The following DHX35 variants were observed in gnomAD, a reference collection of about 807,000 sequenced individuals.
DHX35 encodes the protein probable ATP-dependent RNA helicase DHX35.
In DHX35, 84 loss-of-function variants were observed where a neutral mutation model predicts 99.6. That is an observed-to-expected ratio of 0.84 (90% CI 0.71 to 1.01). The LOEUF (loss-of-function observed/expected upper bound fraction) is 1.01. Among genes scored for constraint, DHX35 ranks in the 50% least tolerant of loss-of-function variants. DHX35 has a pLI of 0.00. For missense variants in DHX35, 852 were observed against 888.5 expected (o/e 0.96, Z 0.52); for synonymous variants, 331 against 316.2 (o/e 1.05, Z -0.50).
At chr20:39,027,163 G>C (rs1045641559) in intron 18 of DHX35, among the ~76,000 whole-genome samples, 4 of 152,088 alleles carry the variant, frequency 2.6e-5, no homozygotes, top group African/African-American at 9.7e-5. Context: ...ATTTCTTATG[G>C]ACAATAGGAG....
At chr20:39,009,745 T>A (rs1218718843) in intron 12 of DHX35, among the ~76,000 whole-genome samples, 1 of 152,176 alleles carries the variant, frequency 6.6e-6, no homozygotes. Context: ...CTCTTCTTCC[T>A]GGTAGGGCAT....
At chr20:39,017,744 G>T (rs2086808845) in intron 14 of DHX35, among the ~76,000 whole-genome samples, 1 of 152,210 alleles carries the variant, frequency 6.6e-6, no homozygotes, top group Admixed American at 6.5e-5. Flanking sequence ...GGCAGGTGGG[G>T]AGTTGAAAGA....
chr20:39,009,912 T>G (rs1159856311), intron 12 of DHX35, among the ~76,000 whole-genome samples: 1 of 152,192 alleles, frequency 6.6e-6, no homozygotes, highest in East Asian at 1.9e-4. Flanking sequence ...AATTGTTCTT[T>G]GCTTGTATGT....
At chr20:39,029,315 T>C (rs1303769894) in intron 19 of DHX35, 1 of 151,910 alleles carries the variant, frequency 6.6e-6, no homozygotes, top group Non-Finnish European at 1.5e-5. Flanking sequence ...CCAGAGAAAA[T>C]ATTACTGCCC....
intron 14 of DHX35, among the ~76,000 whole-genome samples, chr20:39,015,563 T>A (rs1313953038): frequency 6.6e-6 from 1 of 152,252 alleles, no homozygotes; most frequent in Non-Finnish European, 1.5e-5. Flanking sequence ...TGGGGAGTAC[T>A]GTTTCTTCTG....
intron 20 of DHX35, 115 bp from the exon 21 acceptor site, chr20:39,034,091 G>T: frequency 2.7e-6 from 2 of 743,286 alleles, no homozygotes; most frequent in Non-Finnish European, 4.6e-6. Context: ...TTAGCACAGT[G>T]TCTGGCACAT....
intron 1 of DHX35, among the ~76,000 whole-genome samples, chr20:38,966,567 G>A (rs1473473782): frequency 6.6e-6 from 1 of 152,198 alleles, no homozygotes; most frequent in Non-Finnish European, 1.5e-5. Flanking sequence ...TACTCGGGAT[G>A]CCCAGGCAGG....
chr20:38,999,276 A>G (rs953596049), intron 8 of DHX35, among the ~76,000 whole-genome samples: 3 of 151,878 alleles, frequency 2.0e-5, no homozygotes, highest in South Asian at 2.1e-4. Context: ...TTCTCCTTCC[A>G]TAGCTCCTGG....
intron 14 of DHX35, among the ~76,000 whole-genome samples, chr20:39,015,317 C>T (rs2086767678): frequency 6.6e-6 from 1 of 152,174 alleles, no homozygotes. Flanking sequence ...CTCCCTAAAT[C>T]CTCTTCATTT....
intron 14 of DHX35, among the ~76,000 whole-genome samples, chr20:39,017,560 T>C (rs1321906358): frequency 6.6e-6 from 1 of 151,682 alleles, no homozygotes; most frequent in Non-Finnish European, 1.5e-5. Context: ...ACCCCCCGCC[T>C]CCCCCCGCCA....
Position 39,002,885 on chromosome 20 carries a change from T to C in DHX35, c.852+17T>C. ...ACTGGCCAGGTAATGCCACTGTACT[T>C]CTCTGATGAATAGACATGTTAAGAC... On this transcript the variant is annotated intron_variant, in intron 10 of 21. Transcript: ENST00000252011. 6.2e-7 allele frequency: 1 copy of C among 1,602,102 alleles called. No homozygotes were observed. The highest frequency in any genetic ancestry group is 8.6e-7 in the Non-Finnish European group (1 of 1,169,184).
intron 13 of DHX35, among the ~76,000 whole-genome samples, chr20:39,010,919 G>C (rs2086693254): frequency 6.6e-6 from 1 of 152,138 alleles, no homozygotes. Context: ...TCCTGTTTAG[G>C]GTCCTGTTAC....
At chr20:39,008,199 A>G (rs1203727632) in intron 12 of DHX35, among the ~76,000 whole-genome samples, 2 of 152,188 alleles carry the variant, frequency 1.3e-5, no homozygotes, top group African/African-American at 2.4e-5. Flanking sequence ...GCTTATCTAC[A>G]TTGTAGCATG....
Position 38,992,405 on chromosome 20 carries a change from G to A in DHX35, c.562G>A (p.Ala188Thr), listed in dbSNP as rs766299725. The A allele has an allele frequency of 5.0e-6, 8 of 1,614,044 alleles. No homozygotes were observed. In the Admixed American group the frequency reaches 1.0e-4, roughly 20 times the overall value. Residue 188 changes from alanine to threonine, a missense_variant, in exon 7 of 22, where the codon GCC (alanine) becomes ACC (threonine). By Grantham distance (58) the Ala-to-Thr change is moderately conservative. Transcript: ENST00000252011. ...CGAGAGGACCTTGTACACTGACATT[G>A]CCATTGGCTTGCTAAAAAAGGTATG... ...AHERTLYTDIAIGLLKKIQKK... is the reference protein window; with the variant it reads ...AHERTLYTDITIGLLKKIQKK...
At chr20:39,005,917 G>A (rs371162984) in intron 11 of DHX35, among the ~76,000 whole-genome samples, 1 of 152,112 alleles carries the variant, frequency 6.6e-6, no homozygotes. Context: ...TTATGTAGAT[G>A]AGGAAACAGG....
At position 39,019,877 on chromosome 20, in the gene DHX35, A is replaced by T. The variant is rs181972747; in HGVS notation, c.1498+978A>T. 6.6e-5 allele frequency among the ~76,000 whole-genome samples: 10 copies of T among 152,168 alleles called. No individual in the cohort carries two copies. In the East Asian group the frequency reaches 1.7e-3, roughly 26 times the overall value. ...TTTGATCAACACCTCCTCTTTCTCC[A>T]TTCACCCCCTGACCCAGGGGATCTC... is the stretch of plus-strand genomic sequence containing the variant. On this transcript the variant is annotated intron_variant, in intron 15 of 21. Coordinates refer to ENST00000252011, the MANE Select transcript of DHX35 (RefSeq NM_021931.4).
intron 12 of DHX35, among the ~76,000 whole-genome samples, chr20:39,006,902 C>T (rs2086627951): frequency 6.6e-6 from 1 of 152,234 alleles, no homozygotes; most frequent in Non-Finnish European, 1.5e-5. Context: ...TTAATACTGT[C>T]TCAGCCTTTC....
At chr20:39,002,544 TA>T (rs1568738241) in intron 9 of DHX35, among the ~76,000 whole-genome samples, 1 of 152,266 alleles carries the variant, frequency 6.6e-6, no homozygotes, top group Non-Finnish European at 1.5e-5. Flanking sequence ...TATATCATGT[TA>T]TTTCTTTCCA....
intron 7 of DHX35, among the ~76,000 whole-genome samples, chr20:38,994,219 C>G (rs1414120779): frequency 2.0e-5 from 3 of 152,064 alleles, no homozygotes; most frequent in African/African-American, 7.2e-5. Flanking sequence ...GCCGATTTCA[C>G]TGAATCTTTG....
Sources: gnomAD v4.1 joint callset for allele counts (sites outside exome capture counted in the v4.1 genomes callset) on GRCh38, gnomAD v4.1.1 for gene constraint, MANE v1.5 for transcripts, NCBI Gene and HGNC (gene_info 2026-07-23, HGNC 2026-07-21) for gene names.